Variants in NBEA observed in about 807,000 individuals in gnomAD.
NBEA encodes lysosomal-trafficking regulator 2.
Under a neutral mutation model 343.4 loss-of-function variants are expected in NBEA, and 44 were observed. The observed-to-expected ratio is 0.13, with a 90% CI of 0.10 to 0.16. NBEA has a LOEUF of 0.16. Among genes scored for constraint, NBEA ranks in the 10% least tolerant of loss-of-function variants. The pLI, the probability that NBEA is intolerant of heterozygous loss-of-function variation, is 1.00. For missense variants in NBEA, 2,555 were observed against 3,631.3 expected (o/e 0.70, Z 7.62); for synonymous variants, 1,175 against 1,238.7 (o/e 0.95, Z 1.08).
Position 35,121,048 on chromosome 13 carries a change from T to G in NBEA, c.2244-2434T>G, listed in dbSNP as rs539488540. On this transcript the variant is annotated intron_variant, in intron 16 of 58. Coordinates refer to ENST00000379939, the MANE Select transcript of NBEA (RefSeq NM_001385012.1). ...TTATTCCTAGACAATAGAAACTCTGTGAGAACTTCCAGTTCTATATTTGAG... is the reference window on the plus strand; with the variant it reads ...TTATTCCTAGACAATAGAAACTCTGGGAGAACTTCCAGTTCTATATTTGAG... 1.2e-4 allele frequency among the ~76,000 whole-genome samples: 18 copies of G among 152,294 alleles called. No homozygotes were observed. In the South Asian group the frequency reaches 3.3e-3, roughly 28 times the overall value.
At position 35,160,043 on chromosome 13, in the gene NBEA, T is replaced by TTATA; in HGVS notation, c.3861+13_3861+16dup. Reference sequence around the variant, plus strand: ...ACTACTACGACACAAGTAAGCTACCTTATATGAGTTCTAGAAATAAATAAA... The same window carrying TTATA: ...ACTACTACGACACAAGTAAGCTACCTTATATATATGAGTTCTAGAAATAAATAAA... On this transcript the variant is annotated intron_variant, in intron 22 of 58. Transcript: ENST00000379939. 6.5e-7 allele frequency: 1 copy of TTATA among 1,531,508 alleles called. No homozygotes were observed. The highest frequency in any genetic ancestry group is 1.4e-5 in the African/African-American group (1 of 71,798). The allele number at this position is 1,531,508 out of a possible 1,614,324, so 94.9% of individuals were successfully genotyped here.
intron 13 of NBEA, among the ~76,000 whole-genome samples, chr13:35,114,715 A>T (rs568321868): frequency 6.6e-6 from 1 of 152,166 alleles, no homozygotes; most frequent in Non-Finnish European, 1.5e-5. Flanking sequence ...ACCAGTACAT[A>T]TATTTTAAAT....
intron 38 of NBEA, among the ~76,000 whole-genome samples, chr13:35,368,765 T>C (rs967444485): frequency 2.6e-5 from 4 of 151,656 alleles, no homozygotes. Flanking sequence ...TGTAAGTAGG[T>C]GTTAGTTATT....
chr13:35,434,692 A>G (rs1157511234), intron 39 of NBEA, among the ~76,000 whole-genome samples: 2 of 152,204 alleles, frequency 1.3e-5, no homozygotes, highest in Non-Finnish European at 2.9e-5. Flanking sequence ...CAGAGGATGT[A>G]GAGAAGGTGA....
chr13:35,294,705 A>G (rs1387029829), intron 35 of NBEA, among the ~76,000 whole-genome samples: 1 of 152,172 alleles, frequency 6.6e-6, no homozygotes, highest in African/African-American at 2.4e-5. Context: ...TCAATTAAGA[A>G]CAATAAAAAA....
chr13:35,332,812 C>A (rs1367798656), intron 36 of NBEA, among the ~76,000 whole-genome samples: 1 of 151,954 alleles, frequency 6.6e-6, no homozygotes, highest in African/African-American at 2.4e-5. Context: ...ATTCACAAAC[C>A]TTGGTGGTTC....
chr13:34,960,574 C>G (rs949556493), intron 1 of NBEA, among the ~76,000 whole-genome samples: 1 of 152,076 alleles, frequency 6.6e-6, no homozygotes, highest in Non-Finnish European at 1.5e-5. Flanking sequence ...GTGTTCTCTA[C>G]AGGTGTACCA....
chr13:35,585,570 G>C (rs1355712882), intron 46 of NBEA, among the ~76,000 whole-genome samples: 3 of 151,716 alleles, frequency 2.0e-5, no homozygotes, highest in African/African-American at 7.3e-5. Flanking sequence ...GCTGAGCTGT[G>C]TCATTCAGTT....
intron 49 of NBEA, among the ~76,000 whole-genome samples, chr13:35,644,040 G>T (rs1185571828): frequency 6.6e-6 from 1 of 152,140 alleles, no homozygotes; most frequent in African/African-American, 2.4e-5. Flanking sequence ...TGCTTTTCAA[G>T]ATCAGAAAGA....
At chr13:35,600,067 A>G (rs573833537) in intron 47 of NBEA, among the ~76,000 whole-genome samples, 2 of 152,322 alleles carry the variant, frequency 1.3e-5, no homozygotes, top group African/African-American at 2.4e-5. Flanking sequence ...AGCCCTGAAT[A>G]TACACTCTGA....
intron 1 of NBEA, among the ~76,000 whole-genome samples, chr13:35,037,198 G>A (rs930217537): frequency 6.6e-6 from 1 of 152,114 alleles, no homozygotes; most frequent in Non-Finnish European, 1.5e-5. Flanking sequence ...GCATTCTTAA[G>A]TATGCCAATT....
At chr13:35,273,214 C>T (rs143975164) in intron 34 of NBEA, among the ~76,000 whole-genome samples, 204 of 152,248 alleles carry the variant, frequency 1.3e-3, no homozygotes, top group African/African-American at 4.8e-3. Context: ...CAAAACCACA[C>T]GACTACATGG....
intron 24 of NBEA, among the ~76,000 whole-genome samples, chr13:35,168,008 G>A (rs140843053): frequency 2.0e-5 from 3 of 151,762 alleles, no homozygotes; most frequent in East Asian, 1.9e-4. Context: ...AGAAAGAAGA[G>A]CTGCTTTTTC....
rs377701780 is a variant in NBEA at position 35,654,925 on chromosome 13, T to C, written c.8106T>C (p.His2702=). The C allele has an allele frequency of 1.8e-5, 28 of 1,591,036 alleles. No homozygotes were observed. The highest frequency in any genetic ancestry group is 1.7e-4 in the Middle Eastern group (1 of 6,044). The change falls in exon 54 of 59, where the codon CAT becomes CAC. Residue 2702 remains histidine (H), a synonymous_variant. Transcript: ENST00000379939. ...ACCAGAGTATACAAATCAATGCACA[T>C]TGTTTTGTGGTAACAGCAGATAATC... is the stretch of plus-strand genomic sequence containing the variant. ...LVDQSIQINA[H]CFVVTADNRY...
At chr13:35,658,816 T>C (rs1400790526) in intron 55 of NBEA, among the ~76,000 whole-genome samples, 1 of 152,200 alleles carries the variant, frequency 6.6e-6, no homozygotes, top group East Asian at 1.9e-4. Context: ...GACCCACTTA[T>C]CTATTTAAAA....
Position 35,584,046 on chromosome 13 carries a change from T to C in NBEA, c.7176+8T>C. The C allele has an allele frequency of 3.7e-6, 6 of 1,612,554 alleles. No homozygotes were observed. The highest frequency in any genetic ancestry group is 1.1e-5 in the South Asian group (1 of 90,720). ...TCCTGGCTTGTTCGAATTGTGAGTA[T>C]CTTCATTGAGTTAGCTTGCCTTTGG... On this transcript the variant is annotated splice_region_variant and intron_variant, in intron 46 of 58. Transcript: ENST00000379939.
intron 41 of NBEA, among the ~76,000 whole-genome samples, chr13:35,502,471 T>G (rs2076923719): frequency 6.6e-6 from 1 of 151,946 alleles, no homozygotes; most frequent in East Asian, 1.9e-4. Context: ...CTAAAACTAT[T>G]CCTTTTTCTT....
intron 38 of NBEA, among the ~76,000 whole-genome samples, chr13:35,399,216 G>A (rs1215474286): frequency 6.6e-6 from 1 of 152,100 alleles, no homozygotes; most frequent in African/African-American, 2.4e-5. Context: ...GTGATCTATC[G>A]AGGCCACTCA....
intron 1 of NBEA, among the ~76,000 whole-genome samples, chr13:34,974,988 G>A (rs915516965): frequency 1.3e-5 from 2 of 152,144 alleles, no homozygotes; most frequent in Admixed American, 1.3e-4. Flanking sequence ...TCATGCATGA[G>A]GCTAAGCATG....
Sources: gnomAD v4.1 joint callset for allele counts (sites outside exome capture counted in the v4.1 genomes callset) on GRCh38, gnomAD v4.1.1 for gene constraint, MANE v1.5 for transcripts, NCBI Gene and HGNC (gene_info 2026-07-23, HGNC 2026-07-21) for gene names.